The following PHF3 variants were observed in gnomAD, a reference collection of about 807,000 sequenced individuals.
PHF3 encodes PHD finger protein 3.
Under a neutral mutation model 178.4 loss-of-function variants are expected in PHF3, and 41 were observed. The ratio of observed to expected loss-of-function variants is 0.23; its 90% confidence interval spans 0.18 to 0.30. The LOEUF is 0.30. Ranked by LOEUF, PHF3 falls within the 10% of genes least tolerant of loss-of-function variation. The pLI, the probability that PHF3 is intolerant of heterozygous loss-of-function variation, is 1.00. For missense variants in PHF3, 2,346 were observed against 2,398.1 expected (o/e 0.98, Z 0.45); for synonymous variants, 842 against 800.5 (o/e 1.05, Z -0.88).
intron 10 of PHF3, among the ~76,000 whole-genome samples, chr6:63,703,021 G>C (rs1490312387): frequency 6.6e-6 from 1 of 152,164 alleles, no homozygotes; most frequent in Non-Finnish European, 1.5e-5. Context: ...GGGATTACAG[G>C]CATGCGCCAA....
intron 5 of PHF3, 39 bp from the exon 6 acceptor site, chr6:63,694,542 G>C: frequency 7.5e-7 from 1 of 1,334,004 alleles, no homozygotes; most frequent in Non-Finnish European, 1.0e-6. Flanking sequence ...AGATTGTTTA[G>C]TTATTTTCAT....
chr6:63,713,111 C>G lies in PHF3; in HGVS notation c.5523C>G (p.Pro1841=). ...CACATTTGCCACCTCCATTACTTCC[C>G]CCTCCAGGCTTTGGCTTTGCTCAAA... ...FPPHLPPPLL[P]PPGFGFAQNP... Residue 1841 remains proline, a synonymous_variant, in exon 16 of 16, where the codon CCC becomes CCG. Coordinates refer to ENST00000262043, the MANE Select transcript of PHF3 (RefSeq NM_001370348.2). 1 of 1,614,034 alleles carries G rather than the reference C, an allele frequency of 6.2e-7. No individual in the cohort carries two copies. The highest frequency in any genetic ancestry group is 8.5e-7 in the Non-Finnish European group (1 of 1,179,946).
intron 4 of PHF3, among the ~76,000 whole-genome samples, chr6:63,688,159 C>G (rs1311038909): frequency 7.3e-6 from 1 of 136,896 alleles, no homozygotes; most frequent in East Asian, 2.2e-4. Flanking sequence ...CCACTTCAGC[C>G]TGGGTGACAG....
Position 63,713,133 on chromosome 6 carries a change from C to G in PHF3, c.5545C>G (p.Gln1849Glu). Residue 1849 changes from glutamine to glutamate, a missense_variant, in exon 16 of 16, where the codon CAA (glutamine) becomes GAA (glutamate). Physicochemically the swap from Gln to Glu is conservative, Grantham distance 29 (BLOSUM62 2). Transcript: ENST00000262043. ...TCCCCCTCCAGGCTTTGGCTTTGCT[C>G]AAAATCCCATGGTTCCCTGGCCACC... ...LLPPPGFGFA[Q>E]NPMVPWPPVV... 1.2e-6 allele frequency: 2 copies of G among 1,614,006 alleles called. No homozygotes were observed. The highest frequency in any genetic ancestry group is 1.7e-6 in the Non-Finnish European group (2 of 1,179,970).
intron 4 of PHF3, chr6:63,686,388 A>G (rs917362605): frequency 3.3e-5 from 5 of 152,758 alleles, no homozygotes; most frequent in African/African-American, 9.6e-5. Context: ...ACACCATTTC[A>G]TAACTATCAA....
chr6:63,717,896 T>A lies in PHF3; in HGVS notation c.*4188T>A, dbSNP rs1419085367. Reference sequence around the variant, plus strand: ...GGTAAATATTACTGCACCTTATTTTTAAAAAATGTTCCGTTTACATTCAAC... The same window carrying A: ...GGTAAATATTACTGCACCTTATTTTAAAAAAATGTTCCGTTTACATTCAAC... On this transcript the variant is annotated 3_prime_UTR_variant, in exon 16 of 16. Coordinates refer to ENST00000262043, the MANE Select transcript of PHF3 (RefSeq NM_001370348.2). 1.3e-5 allele frequency among the ~76,000 whole-genome samples: 2 copies of A among 152,046 alleles called. No homozygotes were observed. The highest frequency in any genetic ancestry group is 6.6e-5 in the Admixed American group (1 of 15,234).
Position 63,720,903 on chromosome 6 carries a change from T to A in PHF3, c.*7195T>A. 6.4e-7 allele frequency: 1 copy of A among 1,551,090 alleles called. No homozygotes were observed. The highest frequency in any genetic ancestry group is 1.2e-5 in the South Asian group (1 of 84,052). Reference sequence around the variant, plus strand: ...TTGAATTACAACTACATGGTGCCATTTATTACAACAGAATGTGCCATTGTT... The same window carrying A: ...TTGAATTACAACTACATGGTGCCATATATTACAACAGAATGTGCCATTGTT... On this transcript the variant is annotated 3_prime_UTR_variant, in exon 16 of 16. Transcript: ENST00000262043.
chr6:63,684,598 A>G lies in PHF3; in HGVS notation c.876A>G (p.Glu292=). ...GSPLFKFSDK[E]EHEQNDSISG... is the part of the protein sequence containing the mutation. Reference sequence around the variant, plus strand: ...CATTGTTTAAGTTTTCAGATAAAGAAGAACATGAACAAAATGATTCCATTT... The same window carrying G: ...CATTGTTTAAGTTTTCAGATAAAGAGGAACATGAACAAAATGATTCCATTT... The change falls in exon 4 of 16, where the codon GAA becomes GAG. Residue 292 remains glutamate, a synonymous_variant. Transcript: ENST00000262043. 6.2e-7 allele frequency: 1 copy of G among 1,614,000 alleles called. No homozygotes were observed. The highest frequency in any genetic ancestry group is 1.3e-5 in the African/African-American group (1 of 75,058).
chr6:63,656,647 CT>C (rs1207052990), intron 2 of PHF3, among the ~76,000 whole-genome samples: 1 of 152,202 alleles, frequency 6.6e-6, no homozygotes, highest in Non-Finnish European at 1.5e-5. Flanking sequence ...TGTCTCTGAG[CT>C]TTACTGCTCT....
At chr6:63,637,991 T>C (rs937162900) in intron 1 of PHF3, among the ~76,000 whole-genome samples, 1 of 151,914 alleles carries the variant, frequency 6.6e-6, no homozygotes, top group African/African-American at 2.4e-5. Context: ...CTTGTTGGGA[T>C]AGACTTCAGA....
At position 63,717,407 on chromosome 6, in the gene PHF3, AAGAACT is replaced by A. The variant is rs1363638468; in HGVS notation, c.*3701_*3706del. ...AGGCTACAACTTACTAATGACTACA[AAGAACT>A]ATATACACAATCAGGTTTATTTCTG... On this transcript the variant is annotated 3_prime_UTR_variant, in exon 16 of 16. Coordinates refer to ENST00000262043, the MANE Select transcript of PHF3 (RefSeq NM_001370348.2). Among the ~76,000 whole-genome samples the A allele has an allele frequency of 5.3e-5, 8 of 152,144 alleles. No homozygotes were observed. Among genetic ancestry groups the A allele is most frequent in the Non-Finnish European group, 1.2e-4 (8 of 67,996 alleles).
chr6:63,680,758 G>A (rs918142069), intron 3 of PHF3, among the ~76,000 whole-genome samples: 1 of 151,960 alleles, frequency 6.6e-6, no homozygotes, highest in Admixed American at 6.6e-5. Flanking sequence ...AAAGATATTT[G>A]TGTATTTCAG....
intron 2 of PHF3, among the ~76,000 whole-genome samples, chr6:63,658,137 C>T (rs943641093): frequency 1.3e-5 from 2 of 152,188 alleles, no homozygotes; most frequent in Non-Finnish European, 2.9e-5. Flanking sequence ...TTCAGTTAAT[C>T]CTTATGTCTA....
chr6:63,691,739 T>A lies in PHF3; in HGVS notation c.2192T>A (p.Phe731Tyr). The A allele has an allele frequency of 6.3e-7, 1 of 1,589,824 alleles. No homozygotes were observed. The highest frequency in any genetic ancestry group is 8.6e-7 in the Non-Finnish European group (1 of 1,165,844). The change falls in exon 5 of 16, where the codon TTT becomes TAT. Residue 731 changes from phenylalanine to tyrosine, a missense_variant and splice_region_variant. Coordinates refer to ENST00000262043, the MANE Select transcript of PHF3 (RefSeq NM_001370348.2). The stretch of plus-strand genomic sequence containing the variant: ...TTTTTTGGTGTTCTGTTTTCCAGGT[T>A]TATGGTTGGCTGTGGGAGATGTGAT... ...GFCKKPHGNR[F>Y]MVGCGRCDDW...
chr6:63,699,459 T>G (rs1458861993), intron 8 of PHF3, among the ~76,000 whole-genome samples: 4 of 152,200 alleles, frequency 2.6e-5, no homozygotes, highest in Admixed American at 1.3e-4. Context: ...TTGAGGTATT[T>G]TCTTGAAGTA....
At chr6:63,709,351 A>T in intron 14 of PHF3, 111 bp downstream of exon 14, 1 of 744,714 alleles carries the variant, frequency 1.3e-6, no homozygotes, top group Non-Finnish European at 2.3e-6. Flanking sequence ...GGCAATACAC[A>T]TTTTAAGTCT....
At chr6:63,642,854 A>G (rs118029590) in intron 1 of PHF3, among the ~76,000 whole-genome samples, 1 of 152,278 alleles carries the variant, frequency 6.6e-6, no homozygotes, top group East Asian at 1.9e-4. Flanking sequence ...TTCCCCCTTA[A>G]TTAGATCTGA....
intron 13 of PHF3, among the ~76,000 whole-genome samples, chr6:63,707,958 C>G (rs535531178): frequency 9.2e-5 from 14 of 151,974 alleles, no homozygotes; most frequent in African/African-American, 3.4e-4. Flanking sequence ...TGTCTGCCTC[C>G]CGGGTTCAAC....
Position 63,721,504 on chromosome 6 carries a change from C to T in PHF3, c.*7796C>T, listed in dbSNP as rs1297351696. The stretch of plus-strand genomic sequence containing the variant: ...ACTTGTCGGATACAGCCTTGAAAAC[C>T]TACAGGTTCATTTTCTATTGCCATG... On this transcript the variant is annotated 3_prime_UTR_variant, in exon 16 of 16. Transcript: ENST00000262043. The T allele has an allele frequency of 6.4e-7, 1 of 1,551,200 alleles. No individual in the cohort carries two copies. The highest frequency in any genetic ancestry group is 8.7e-7 in the Non-Finnish European group (1 of 1,146,644).
Sources: allele counts gnomAD v4.1 joint callset (sites outside exome capture counted in the v4.1 genomes callset), GRCh38; gene constraint gnomAD v4.1.1; transcripts MANE v1.5; gene names NCBI Gene and HGNC (gene_info 2026-07-23, HGNC 2026-07-21).